SORCS3: variants seen among roughly 807,000 people sequenced by gnomAD.
The protein encoded by SORCS3 is VPS10 domain-containing receptor SorCS3.
A neutral mutation model predicts 146.3 loss-of-function variants in SORCS3; 57 were observed. The observed-to-expected ratio is 0.39, with a 90% CI of 0.31 to 0.49. The LOEUF (loss-of-function observed/expected upper bound fraction) is 0.49. Among genes scored for constraint, SORCS3 ranks in the 20% least tolerant of loss-of-function variants. The pLI is 0.92. For missense variants in SORCS3, 1,341 were observed against 1,575.5 expected (o/e 0.85, Z 2.52); for synonymous variants, 653 against 618.5 (o/e 1.06, Z -0.83).
At chr10:104,984,738 C>A (rs1358170895) in intron 4 of SORCS3, among the ~76,000 whole-genome samples, 3 of 152,006 alleles carry the variant, frequency 2.0e-5, no homozygotes, top group Non-Finnish European at 4.4e-5. Context: ...CAGTTCCAGG[C>A]CACTAAAATG....
intron 1 of SORCS3, among the ~76,000 whole-genome samples, chr10:104,654,461 C>CATTTGTTAT (rs1490807290): frequency 2.0e-5 from 3 of 152,298 alleles, no homozygotes; most frequent in African/African-American, 7.2e-5. Context: ...TCCTCACCAG[C>CATTTGTTAT]ATTTGTTATT....
chr10:104,977,615 C>A (rs1208580846), intron 4 of SORCS3, 122 bp downstream of exon 4: 4 of 875,460 alleles, frequency 4.6e-6, no homozygotes, highest in Non-Finnish European at 6.5e-6. Context: ...CAACCCAAAT[C>A]ATTTCATCAT....
intron 1 of SORCS3, among the ~76,000 whole-genome samples, chr10:104,717,709 G>T (rs1285460937): frequency 1.3e-5 from 2 of 152,094 alleles, no homozygotes; most frequent in Non-Finnish European, 2.9e-5. Flanking sequence ...GAAAACAGAG[G>T]GTCAGAGCTG....
intron 7 of SORCS3, among the ~76,000 whole-genome samples, chr10:105,129,331 C>CTCTCTCTCTCTTTTTTTTTTTTTTTTTTT (rs1172062304): frequency 9.6e-6 from 1 of 104,634 alleles, no homozygotes. Flanking sequence ...CTTTCTTTCT[C>CTCTCTCTCTCTTTTTTTTTTTTTTTTTTT]TTTTTTTTTT....
At chr10:105,137,953 G>C (rs941743341) in intron 7 of SORCS3, among the ~76,000 whole-genome samples, 3 of 150,140 alleles carry the variant, frequency 2.0e-5, no homozygotes, top group Non-Finnish European at 4.5e-5. Context: ...TTATGCACTT[G>C]AGACTTATTT....
intron 2 of SORCS3, among the ~76,000 whole-genome samples, chr10:104,859,484 T>A (rs2018375570): frequency 2.6e-5 from 4 of 152,128 alleles, no homozygotes; most frequent in Admixed American, 6.6e-5. Context: ...AACCTAGGCA[T>A]TACCATTCAG....
chr10:105,083,771 A>G (rs2055640779), intron 5 of SORCS3, among the ~76,000 whole-genome samples: 1 of 152,170 alleles, frequency 6.6e-6, no homozygotes, highest in Non-Finnish European at 1.5e-5. Flanking sequence ...GTAGTCTAGA[A>G]CCAAAATTTT....
At chr10:104,726,182 T>A (rs2016630511) in intron 1 of SORCS3, among the ~76,000 whole-genome samples, 1 of 152,184 alleles carries the variant, frequency 6.6e-6, no homozygotes, top group South Asian at 2.1e-4. Context: ...ATTCCCCTTA[T>A]CCAAGTGTTC....
chr10:105,111,117 C>G (rs2055856261), intron 7 of SORCS3, among the ~76,000 whole-genome samples: 2 of 152,212 alleles, frequency 1.3e-5, no homozygotes, highest in Non-Finnish European at 2.9e-5. Context: ...ACATAAACCT[C>G]TTTAGTCTCC....
At chr10:105,069,245 C>G (rs918697809) in intron 5 of SORCS3, among the ~76,000 whole-genome samples, 1 of 152,188 alleles carries the variant, frequency 6.6e-6, no homozygotes, top group African/African-American at 2.4e-5. Flanking sequence ...TTTTGCCAGG[C>G]CAATGAAGGC....
chr10:104,726,715 T>A (rs1589475033), intron 1 of SORCS3, among the ~76,000 whole-genome samples: 1 of 152,112 alleles, frequency 6.6e-6, no homozygotes, highest in East Asian at 1.9e-4. Context: ...CAGAGGCATC[T>A]GCAATCTGGT....
chr10:104,967,708 T>C (rs1309120498), intron 3 of SORCS3, among the ~76,000 whole-genome samples: 1 of 152,124 alleles, frequency 6.6e-6, no homozygotes, highest in East Asian at 1.9e-4. Flanking sequence ...GGGGTCTGGC[T>C]CTGTTGCCCA....
intron 7 of SORCS3, among the ~76,000 whole-genome samples, chr10:105,111,827 A>T (rs1162492546): frequency 2.0e-5 from 3 of 152,198 alleles, no homozygotes; most frequent in Non-Finnish European, 4.4e-5. Context: ...AGGCTTTCTC[A>T]AAAGAAGGCT....
intron 4 of SORCS3, 138 bp from the exon 5 acceptor site, chr10:105,042,917 A>C: frequency 1.4e-6 from 1 of 700,034 alleles, no homozygotes; most frequent in Non-Finnish European, 2.5e-6. Context: ...TCATATTCCT[A>C]CCTTTTTATC....
intron 1 of SORCS3, among the ~76,000 whole-genome samples, chr10:104,752,052 T>G (rs1345344429): frequency 6.7e-6 from 1 of 149,286 alleles, no homozygotes; most frequent in Non-Finnish European, 1.5e-5. Context: ...TTTTTTTTTT[T>G]GAGGCAGAGT....
Position 105,065,470 on chromosome 10 carries a change from C to T in SORCS3, c.1028+22342C>T, listed in dbSNP as rs137964823. Among the ~76,000 whole-genome samples, 9 of 151,968 alleles carry T rather than the reference C, an allele frequency of 5.9e-5. No homozygotes were observed. In the East Asian group the frequency reaches 7.7e-4, roughly 13 times the overall value. ...TAACTTGAGAACCAACTGCACACGA[C>T]GACCTCTGAGAACCCTTCCAGTGCT... On this transcript the variant is annotated intron_variant, in intron 5 of 26. Transcript: ENST00000369701.
intron 5 of SORCS3, among the ~76,000 whole-genome samples, chr10:105,073,955 G>T (rs1233638094): frequency 4.6e-5 from 7 of 152,174 alleles, no homozygotes; most frequent in African/African-American, 1.7e-4. Context: ...AGGTTAGGTT[G>T]TGGAATCATT....
intron 1 of SORCS3, among the ~76,000 whole-genome samples, chr10:104,719,990 T>TTA (rs1554846265): frequency 1.2e-4 from 18 of 151,796 alleles, no homozygotes; most frequent in Non-Finnish European, 1.0e-4. Flanking sequence ...TTTTTTTTTT[T>TTA]TATACTTTAA....
chr10:104,960,623 A>T (rs932127287), intron 3 of SORCS3, among the ~76,000 whole-genome samples: 1 of 152,180 alleles, frequency 6.6e-6, no homozygotes, highest in African/African-American at 2.4e-5. Flanking sequence ...CCATGAGTGG[A>T]TTTGATACAT....
Sources: gnomAD v4.1 joint callset for allele counts (sites outside exome capture counted in the v4.1 genomes callset) on GRCh38, gnomAD v4.1.1 for gene constraint, MANE v1.5 for transcripts, NCBI Gene and HGNC (gene_info 2026-07-23, HGNC 2026-07-21) for gene names.